SCFD2: variants seen among roughly 807,000 people sequenced by gnomAD.
SCFD2 encodes sec1 family domain-containing protein 2.
Under a neutral mutation model 58.9 loss-of-function variants are expected in SCFD2, and 54 were observed. The ratio of observed to expected loss-of-function variants is 0.92; its 90% CI spans 0.74 to 1.15. The LOEUF is 1.15. Among genes scored for constraint, SCFD2 ranks in the 50% most tolerant of loss-of-function variants. The pLI, the probability that SCFD2 is intolerant of heterozygous loss-of-function variation, is 0.00. For missense variants in SCFD2, 805 were observed against 836.6 expected (o/e 0.96, Z 0.47); for synonymous variants, 321 against 335.9 (o/e 0.96, Z 0.49).
chr4:53,293,452 C>T (rs186111589), intron 3 of SCFD2, among the ~76,000 whole-genome samples: 64 of 152,118 alleles, frequency 4.2e-4, no homozygotes, highest in East Asian at 1.9e-3. Context: ...AAATGTACCC[C>T]GGATGTTAAA....
At chr4:52,998,366 G>A (rs4864708) in intron 5 of SCFD2, among the ~76,000 whole-genome samples, 147,904 of 152,332 alleles carry the variant, frequency 0.97, 71,966 homozygotes, top group Middle Eastern at 1. Context: ...AAGCAAGGCT[G>A]GTTTTACTTC....
At position 53,122,135 on chromosome 4, in the gene SCFD2, G is replaced by A. The variant is rs367737056; in HGVS notation, c.1561+23198C>T. Among the ~76,000 whole-genome samples the A allele has an allele frequency of 1.3e-4, 20 of 152,204 alleles. No individual in the cohort carries two copies. In the South Asian group the frequency reaches 3.3e-3, roughly 25 times the overall value. On this transcript the variant is annotated intron_variant, in intron 5 of 8. Transcript: ENST00000401642. ...CTCATGCCTGTAATCCCAGCACTTC[G>A]GGAGGCTGAGGCAGGTGGATCACCT...
At chr4:53,129,796 A>C (rs377458807) in intron 5 of SCFD2, among the ~76,000 whole-genome samples, 3 of 152,232 alleles carry the variant, frequency 2.0e-5, no homozygotes, top group Non-Finnish European at 2.9e-5. Flanking sequence ...TTATGTTGAC[A>C]GTATATCCAT....
At chr4:52,886,738 G>A (rs1047917251) in intron 7 of SCFD2, among the ~76,000 whole-genome samples, 11 of 152,226 alleles carry the variant, frequency 7.2e-5, no homozygotes, top group Non-Finnish European at 1.5e-4. Context: ...GCTACCAGAT[G>A]TCCCAGTGGT....
At chr4:53,246,031 A>G (rs1017930068) in intron 4 of SCFD2, among the ~76,000 whole-genome samples, 2 of 152,186 alleles carry the variant, frequency 1.3e-5, no homozygotes, top group Non-Finnish European at 1.5e-5. Flanking sequence ...AAAAATCACT[A>G]TCATTCCTAT....
At chr4:52,876,391 G>C (rs1210644479) in intron 8 of SCFD2, among the ~76,000 whole-genome samples, 1 of 152,124 alleles carries the variant, frequency 6.6e-6, no homozygotes, top group Non-Finnish European at 1.5e-5. Context: ...ATTCATACAA[G>C]ATTTTGTGTT....
intron 4 of SCFD2, among the ~76,000 whole-genome samples, chr4:53,250,861 A>C (rs542283895): frequency 1.3e-5 from 2 of 152,336 alleles, no homozygotes; most frequent in Non-Finnish European, 2.9e-5. Flanking sequence ...AAACACATTC[A>C]AAAGCTAGCA....
At chr4:53,266,775 C>T (rs1403972104) in intron 4 of SCFD2, among the ~76,000 whole-genome samples, 2 of 152,180 alleles carry the variant, frequency 1.3e-5, no homozygotes, top group Non-Finnish European at 2.9e-5. Flanking sequence ...AAAACACTGA[C>T]AGTGATATTG....
At chr4:52,936,959 C>T (rs1720153361) in intron 5 of SCFD2, among the ~76,000 whole-genome samples, 1 of 152,172 alleles carries the variant, frequency 6.6e-6, no homozygotes, top group South Asian at 2.1e-4. Flanking sequence ...TACCGCTAGG[C>T]ACTGAAGGTA....
chr4:53,141,657 A>C (rs1297711517), intron 5 of SCFD2, among the ~76,000 whole-genome samples: 1 of 145,114 alleles, frequency 6.9e-6, no homozygotes, highest in Admixed American at 7.1e-5. Flanking sequence ...AAAAAAAAAA[A>C]ACATTAAATC....
At chr4:53,058,279 T>C (rs1382269499) in intron 5 of SCFD2, among the ~76,000 whole-genome samples, 1 of 152,236 alleles carries the variant, frequency 6.6e-6, no homozygotes, top group South Asian at 2.1e-4. Flanking sequence ...AGTTGGGGAA[T>C]TAATGTTATA....
chr4:53,293,211 C>T (rs974002443), intron 3 of SCFD2, among the ~76,000 whole-genome samples: 13 of 151,980 alleles, frequency 8.6e-5, no homozygotes, highest in African/African-American at 2.9e-4. Flanking sequence ...GAGCGGAAAA[C>T]CAAATACTGC....
intron 3 of SCFD2, among the ~76,000 whole-genome samples, chr4:53,306,182 G>T (rs1560439555): frequency 1.3e-5 from 2 of 152,160 alleles, no homozygotes; most frequent in Non-Finnish European, 2.9e-5. Flanking sequence ...AGGAAATGGG[G>T]TTTTATGTTT....
chr4:53,354,496 G>T (rs11942086), intron 1 of SCFD2, among the ~76,000 whole-genome samples: 24,912 of 152,170 alleles, frequency 0.16, 2,081 homozygotes, highest in South Asian at 0.23. Flanking sequence ...GCTGGCTCCG[G>T]CCTCAACCAG....
chr4:53,195,222 T>A (rs1434582652), intron 4 of SCFD2, among the ~76,000 whole-genome samples: 1 of 152,116 alleles, frequency 6.6e-6, no homozygotes, highest in African/African-American at 2.4e-5. Flanking sequence ...GTAAAGAACT[T>A]AACATTGGCA....
intron 2 of SCFD2, among the ~76,000 whole-genome samples, chr4:53,329,128 AG>A (rs1234256971): frequency 1.3e-5 from 2 of 152,356 alleles, no homozygotes; most frequent in African/African-American, 4.8e-5. Context: ...CTAGCACAGC[AG>A]TCTGAGATCA....
intron 5 of SCFD2, among the ~76,000 whole-genome samples, chr4:52,922,117 G>A (rs1033674471): frequency 1.3e-5 from 2 of 152,054 alleles, no homozygotes; most frequent in Middle Eastern, 3.2e-3. Flanking sequence ...TTCAGTATTC[G>A]CACCCACATC....
At chr4:53,094,731 C>T (rs1373143257) in intron 5 of SCFD2, among the ~76,000 whole-genome samples, 1 of 151,960 alleles carries the variant, frequency 6.6e-6, no homozygotes, top group Non-Finnish European at 1.5e-5. Context: ...AAAAAAATCT[C>T]TGACTCCACT....
At chr4:52,962,923 C>T (rs905924630) in intron 5 of SCFD2, among the ~76,000 whole-genome samples, 4 of 152,152 alleles carry the variant, frequency 2.6e-5, no homozygotes, top group Non-Finnish European at 5.9e-5. Flanking sequence ...GTGGATGACA[C>T]AGCTGAAGTT....
Sources: allele counts gnomAD v4.1 joint callset (sites outside exome capture counted in the v4.1 genomes callset), GRCh38; gene constraint gnomAD v4.1.1; transcripts MANE v1.5; gene names NCBI Gene and HGNC (gene_info 2026-07-23, HGNC 2026-07-21).